RALYL: variants seen among roughly 807,000 people sequenced by gnomAD.
RALYL encodes the protein RALY RNA binding protein like, also known as RNA-binding Raly-like protein.
A neutral mutation model predicts 35.1 loss-of-function variants in RALYL; 29 were observed. That is an observed-to-expected ratio of 0.83 (90% CI 0.61 to 1.13). The LOEUF (loss-of-function observed/expected upper bound fraction) is 1.13, where lower values mean the gene tolerates loss of function less well. Ranked by LOEUF, RALYL falls within the 50% of genes most tolerant of loss-of-function variation. The pLI is 0.00. For synonymous variants in RALYL, 120 were observed against 127.6 expected (o/e 0.94, Z 0.40); for missense variants, 359 against 360.4 (o/e 1.00, Z 0.03).
chr8:84,884,606 C>A (rs1313092826), intron 7 of RALYL, among the ~76,000 whole-genome samples: 1 of 151,864 alleles, frequency 6.6e-6, no homozygotes, highest in Non-Finnish European at 1.5e-5. Flanking sequence ...TCTCAAAGAG[C>A]AAATATTTCT....
chr8:84,455,484 A>C (rs908869811), intron 1 of RALYL, among the ~76,000 whole-genome samples: 14 of 152,054 alleles, frequency 9.2e-5, no homozygotes, highest in Non-Finnish European at 1.8e-4. Context: ...TGCTGAAAGA[A>C]TTATCCCAAA....
intron 8 of RALYL, among the ~76,000 whole-genome samples, chr8:84,896,616 C>T (rs1263288976): frequency 6.6e-6 from 1 of 152,140 alleles, no homozygotes; most frequent in Non-Finnish European, 1.5e-5. Context: ...CCATTCACAC[C>T]ACATCAGCTC....
chr8:84,642,139 A>G (rs1221423746), intron 2 of RALYL, among the ~76,000 whole-genome samples: 1 of 152,050 alleles, frequency 6.6e-6, no homozygotes, highest in African/African-American at 2.4e-5. Context: ...GCATGTATAC[A>G]TGTGTGCACA....
intron 2 of RALYL, among the ~76,000 whole-genome samples, chr8:84,722,490 C>G (rs1015446087): frequency 1.3e-5 from 2 of 151,106 alleles, no homozygotes; most frequent in African/African-American, 4.9e-5. Context: ...GGGCACTATG[C>G]CCAGACATTC....
intron 1 of RALYL, among the ~76,000 whole-genome samples, chr8:84,464,915 G>GT (rs1322246849): frequency 7.4e-6 from 1 of 135,102 alleles, no homozygotes; most frequent in African/African-American, 2.8e-5. Flanking sequence ...TTTTTCATGT[G>GT]TTTTTTGGCT....
intron 2 of RALYL, chr8:84,679,791 T>C: frequency 4.0e-6 from 2 of 500,032 alleles, no homozygotes; most frequent in East Asian, 5.8e-5. Flanking sequence ...GGAAATTGGA[T>C]AGAAAGATTG....
chr8:84,546,318 C>A (rs1294912259), intron 2 of RALYL, among the ~76,000 whole-genome samples: 1 of 152,042 alleles, frequency 6.6e-6, no homozygotes, highest in Non-Finnish European at 1.5e-5. Flanking sequence ...TAGGGTTTTG[C>A]TATGTTGCCC....
chr8:84,866,592 C>G (rs1839215900), intron 6 of RALYL, among the ~76,000 whole-genome samples: 1 of 152,026 alleles, frequency 6.6e-6, no homozygotes, highest in Non-Finnish European at 1.5e-5. Context: ...GTTTCCTCAT[C>G]TATAAAATGG....
At chr8:84,808,003 T>C (rs1347822786) in intron 4 of RALYL, among the ~76,000 whole-genome samples, 1 of 152,244 alleles carries the variant, frequency 6.6e-6, no homozygotes, top group East Asian at 1.9e-4. Context: ...GCAAAAGCTC[T>C]TTAGTTTAAT....
chr8:84,527,371 C>T (rs1305302447), intron 1 of RALYL, among the ~76,000 whole-genome samples: 1 of 152,154 alleles, frequency 6.6e-6, no homozygotes, highest in African/African-American at 2.4e-5. Context: ...CAATGGCAGA[C>T]CACCGGGCTC....
At chr8:84,789,540 G>GA (rs773828302) in intron 3 of RALYL, among the ~76,000 whole-genome samples, 53 of 149,098 alleles carry the variant, frequency 3.6e-4, no homozygotes, top group Middle Eastern at 3.4e-3. Context: ...TTAGAGGATC[G>GA]AAAAAAAAAC....
intron 1 of RALYL, among the ~76,000 whole-genome samples, chr8:84,373,157 G>C (rs1192792100): frequency 2.6e-5 from 4 of 151,454 alleles, no homozygotes; most frequent in Non-Finnish European, 4.4e-5. Context: ...CAGAGGCATA[G>C]TTTGCAAAAA....
chr8:84,818,462 T>G (rs903127594), intron 4 of RALYL, among the ~76,000 whole-genome samples: 7 of 152,088 alleles, frequency 4.6e-5, no homozygotes, highest in Non-Finnish European at 1.0e-4. Flanking sequence ...AAGGAGCTAT[T>G]AAAATGGCAT....
intron 2 of RALYL, among the ~76,000 whole-genome samples, chr8:84,628,558 A>G (rs1588623799): frequency 6.6e-6 from 1 of 152,098 alleles, no homozygotes; most frequent in East Asian, 1.9e-4. Context: ...AAATGAATAT[A>G]TTTTTACATC....
At chr8:84,259,201 T>C (rs1009203935) in intron 1 of RALYL, among the ~76,000 whole-genome samples, 3 of 152,148 alleles carry the variant, frequency 2.0e-5, no homozygotes, top group African/African-American at 7.2e-5. Flanking sequence ...AGCTCATTAC[T>C]AATAATTAGA....
At chr8:84,258,386 A>G (rs895927537) in intron 1 of RALYL, among the ~76,000 whole-genome samples, 1 of 152,194 alleles carries the variant, frequency 6.6e-6, no homozygotes, top group Non-Finnish European at 1.5e-5. Flanking sequence ...CTACATTTAC[A>G]TTGAAACAGT....
chr8:84,451,274 C>T lies in RALYL; in HGVS notation c.-23-78025C>T, dbSNP rs77043039. On this transcript the variant is annotated intron_variant, in intron 1 of 8. Coordinates refer to ENST00000521268, the MANE Select transcript of RALYL (RefSeq NM_173848.7). ...AAATTATTTTGTCATCTTTCATAAACATTCATTTTTAGTTCCGTATCCCCA... is the reference window on the plus strand; with the variant it reads ...AAATTATTTTGTCATCTTTCATAAATATTCATTTTTAGTTCCGTATCCCCA... Among the ~76,000 whole-genome samples the T allele has an allele frequency of 4.6e-5, 7 of 152,022 alleles. No individual in the cohort carries two copies. The East Asian group carries it at 1.2e-3, about 25-fold the overall frequency.
At chr8:84,532,004 C>T (rs1360775364) in intron 2 of RALYL, among the ~76,000 whole-genome samples, 1 of 152,072 alleles carries the variant, frequency 6.6e-6, no homozygotes, top group Non-Finnish European at 1.5e-5. Context: ...TAGATCCTCT[C>T]TTAGTTTTGT....
chr8:84,743,999 A>C (rs1808009385), intron 2 of RALYL, among the ~76,000 whole-genome samples: 1 of 151,992 alleles, frequency 6.6e-6, no homozygotes, highest in Non-Finnish European at 1.5e-5. Flanking sequence ...AAAATGAAAA[A>C]AATTGGAGAC....
Sources: allele counts gnomAD v4.1 joint callset (sites outside exome capture counted in the v4.1 genomes callset), GRCh38; gene constraint gnomAD v4.1.1; transcripts MANE v1.5; gene names NCBI Gene and HGNC (gene_info 2026-07-23, HGNC 2026-07-21).